The following SPOCK3 variants were observed in gnomAD, a reference collection of about 807,000 sequenced individuals.
SPOCK3 encodes the protein testican-3.
Under a neutral mutation model 56.6 loss-of-function variants are expected in SPOCK3, and 30 were observed. The ratio of observed to expected loss-of-function variants is 0.53; its 90% CI spans 0.40 to 0.72. The LOEUF (loss-of-function observed/expected upper bound fraction) is 0.72, where lower values mean the gene tolerates loss of function less well. Among genes scored for constraint, SPOCK3 ranks in the 30% least tolerant of loss-of-function variants. SPOCK3 has a pLI of 0.00. For missense variants in SPOCK3, 527 were observed against 530.0 expected, an observed-to-expected ratio of 0.99 and a Z score of 0.06; for synonymous variants, 196 against 183.3, an observed-to-expected ratio of 1.07 and a Z score of -0.56.
chr4:167,210,569 A>C (rs907470350), intron 2 of SPOCK3, among the ~76,000 whole-genome samples: 2 of 152,176 alleles, frequency 1.3e-5, no homozygotes, highest in African/African-American at 4.8e-5. Flanking sequence ...AAATTCTATA[A>C]ATATTAAAAG....
chr4:167,056,243 C>G (rs1282117563), intron 3 of SPOCK3, among the ~76,000 whole-genome samples: 3 of 152,300 alleles, frequency 2.0e-5, no homozygotes, highest in South Asian at 4.1e-4. Context: ...AGCTGAGGGT[C>G]CTGCCTGTTA....
chr4:166,819,073 T>C (rs1034451717), intron 6 of SPOCK3, among the ~76,000 whole-genome samples: 3 of 152,048 alleles, frequency 2.0e-5, no homozygotes, highest in African/African-American at 2.4e-5. Context: ...TTGCTTACCC[T>C]TGTCATTATT....
intron 6 of SPOCK3, among the ~76,000 whole-genome samples, chr4:166,820,610 A>C (rs1374638973): frequency 2.0e-5 from 3 of 151,966 alleles, no homozygotes; most frequent in African/African-American, 7.2e-5. Context: ...GAATCACTTG[A>C]GCCCAAGAAT....
At chr4:167,216,411 G>A (rs752747206) in intron 2 of SPOCK3, among the ~76,000 whole-genome samples, 22 of 152,114 alleles carry the variant, frequency 1.4e-4, no homozygotes, top group Non-Finnish European at 2.5e-4. Context: ...TATTATTGGT[G>A]CTTGCAGGCA....
chr4:167,020,490 C>A (rs562823517), intron 3 of SPOCK3, among the ~76,000 whole-genome samples: 1 of 152,024 alleles, frequency 6.6e-6, no homozygotes, highest in African/African-American at 2.4e-5. Flanking sequence ...GTGCTGCCCT[C>A]ATGAATGAAC....
chr4:166,888,673 G>A (rs906531740), intron 6 of SPOCK3, among the ~76,000 whole-genome samples: 7 of 151,812 alleles, frequency 4.6e-5, no homozygotes, highest in Admixed American at 1.3e-4. Flanking sequence ...TATTACACAG[G>A]AAATTATGAA....
intron 4 of SPOCK3, among the ~76,000 whole-genome samples, chr4:166,999,991 T>C (rs1185976021): frequency 3.9e-5 from 6 of 152,046 alleles, no homozygotes; most frequent in Admixed American, 3.9e-4. Context: ...TCTAACTCTC[T>C]CCTGAGGGAA....
At chr4:166,807,112 A>C (rs1330437113) in intron 6 of SPOCK3, among the ~76,000 whole-genome samples, 1 of 152,078 alleles carries the variant, frequency 6.6e-6, no homozygotes, top group Non-Finnish European at 1.5e-5. Flanking sequence ...TTATAGTTAT[A>C]TCAGATAAAA....
At chr4:167,011,785 C>G (rs983105039) in intron 3 of SPOCK3, among the ~76,000 whole-genome samples, 1 of 151,990 alleles carries the variant, frequency 6.6e-6, no homozygotes, top group Non-Finnish European at 1.5e-5. Context: ...TTTTGGAGAC[C>G]ATTAACCTTG....
intron 6 of SPOCK3, among the ~76,000 whole-genome samples, chr4:166,829,018 TTTTAATTAGCCAA>T (rs1354533549): frequency 2.0e-5 from 3 of 152,022 alleles, no homozygotes; most frequent in Non-Finnish European, 2.9e-5. Flanking sequence ...CTTATGAGGA[TTTTAATTAGCCAA>T]TTTAAATGAT....
At chr4:167,196,106 G>A (rs1732924375) in intron 2 of SPOCK3, among the ~76,000 whole-genome samples, 1 of 152,048 alleles carries the variant, frequency 6.6e-6, no homozygotes, top group South Asian at 2.1e-4. Flanking sequence ...CATACTCTGT[G>A]TATACTCAGA....
chr4:166,816,032 C>A (rs745875100), intron 6 of SPOCK3, among the ~76,000 whole-genome samples: 1 of 151,878 alleles, frequency 6.6e-6, no homozygotes, highest in African/African-American at 2.4e-5. Context: ...AATATAACAA[C>A]GTAATCTGGT....
intron 4 of SPOCK3, among the ~76,000 whole-genome samples, chr4:166,937,313 A>AAAG (rs1740518567): frequency 1.3e-5 from 2 of 151,600 alleles, no homozygotes; most frequent in African/African-American, 4.8e-5. Context: ...GGAGAATCTT[A>AAAG]GAAAATGTAG....
chr4:166,927,494 C>T (rs778565828), intron 4 of SPOCK3, among the ~76,000 whole-genome samples: 4 of 152,128 alleles, frequency 2.6e-5, no homozygotes, highest in Non-Finnish European at 5.9e-5. Context: ...TATTTTTTCC[C>T]CACTCTCAGG....
chr4:167,010,451 T>C (rs764898824), intron 3 of SPOCK3, among the ~76,000 whole-genome samples: 8 of 150,300 alleles, frequency 5.3e-5, no homozygotes, highest in South Asian at 2.1e-4. Context: ...GCCCAGGAAG[T>C]TGAGGCTGCA....
intron 6 of SPOCK3, among the ~76,000 whole-genome samples, chr4:166,825,031 A>G (rs1200228305): frequency 6.6e-6 from 1 of 152,138 alleles, no homozygotes; most frequent in African/African-American, 2.4e-5. Context: ...TGGCCTTGAA[A>G]TATTTCATTT....
At chr4:166,763,699 T>C (rs546621941) in intron 7 of SPOCK3, among the ~76,000 whole-genome samples, 1 of 133,438 alleles carries the variant, frequency 7.5e-6, no homozygotes, top group South Asian at 2.5e-4. Flanking sequence ...TTACAGCATA[T>C]GTAAAGTGTT....
chr4:166,984,244 A>G (rs930226796), intron 4 of SPOCK3, among the ~76,000 whole-genome samples: 5 of 152,080 alleles, frequency 3.3e-5, no homozygotes, highest in African/African-American at 7.2e-5. Context: ...CTTTATAATG[A>G]TAATTTACCA....
intron 2 of SPOCK3, among the ~76,000 whole-genome samples, chr4:167,164,065 C>A (rs1158827058): frequency 6.6e-6 from 1 of 152,042 alleles, no homozygotes; most frequent in African/African-American, 2.4e-5. Context: ...ATTTCCAGAT[C>A]TCATTTTCTT....
Sources: gnomAD v4.1 joint callset for allele counts (sites outside exome capture counted in the v4.1 genomes callset) on GRCh38, gnomAD v4.1.1 for gene constraint, MANE v1.5 for transcripts, NCBI Gene and HGNC (gene_info 2026-07-23, HGNC 2026-07-21) for gene names.